Variants in WDSUB1 observed in about 807,000 individuals in gnomAD.
The protein encoded by WDSUB1 is WD repeat, SAM and U-box domain-containing protein 1.
Under a neutral mutation model 53.9 loss-of-function variants are expected in WDSUB1, and 49 were observed. The ratio of observed to expected loss-of-function variants is 0.91; its 90% CI spans 0.72 to 1.15. The LOEUF is 1.15. Among genes scored for constraint, WDSUB1 ranks in the 50% most tolerant of loss-of-function variants. The pLI is 0.00. For missense variants in WDSUB1, 514 were observed against 562.0 expected, an observed-to-expected ratio of 0.91 and a Z score of 0.86; for synonymous variants, 194 against 200.6, an observed-to-expected ratio of 0.97 and a Z score of 0.28.
intron 3 of WDSUB1, 144 bp downstream of exon 3, chr2:159,279,617 A>C (rs974951254): frequency 5.0e-6 from 3 of 602,056 alleles, no homozygotes; most frequent in Admixed American, 4.1e-5. Context: ...AAAAGAGAGA[A>C]GGATAATCCC....
At chr2:159,272,096 T>C (rs1250500343) in intron 4 of WDSUB1, among the ~76,000 whole-genome samples, 1 of 152,212 alleles carries the variant, frequency 6.6e-6, no homozygotes, top group Non-Finnish European at 1.5e-5. Context: ...CAGGGCAATC[T>C]GTAAGACCAC....
intron 2 of WDSUB1, among the ~76,000 whole-genome samples, chr2:159,281,206 T>C (rs1420925888): frequency 6.6e-6 from 1 of 152,146 alleles, no homozygotes; most frequent in African/African-American, 2.4e-5. Flanking sequence ...TGGTTTCTAA[T>C]GTACTTAATG....
intron 10 of WDSUB1, among the ~76,000 whole-genome samples, chr2:159,246,154 C>T (rs1271810156): frequency 3.3e-5 from 5 of 152,104 alleles, no homozygotes; most frequent in Admixed American, 2.0e-4. Flanking sequence ...AATAAGAGGC[C>T]GGGTACAGTG....
chr2:159,271,768 A>G lies in WDSUB1; in HGVS notation c.704T>C (p.Leu235Pro), dbSNP rs1575482656. The stretch of plus-strand genomic sequence containing the variant: ...CAGAACAGGAGCACAGTGCCCACTC[A>G]GTGTACTTTTATATTTTAATTCAAA... ...LGFELKYKST[L>P]SGHCAPVLAC... is the part of the protein sequence containing the mutation. The change falls in exon 5 of 11, where the codon CTG becomes CCG. Residue 235 changes from leucine (L) to proline (P), a missense_variant. Leu to Pro is a moderately conservative substitution (Grantham distance 98). Coordinates refer to ENST00000359774, the MANE Select transcript of WDSUB1 (RefSeq NM_001128212.3). 2 of 1,614,128 alleles carry G rather than the reference A, an allele frequency of 1.2e-6. No individual in the cohort carries two copies. Among genetic ancestry groups the G allele is most frequent in the Non-Finnish European group, 1.7e-6 (2 of 1,179,974 alleles).
chr2:159,282,042 A>G (rs1213303346), intron 2 of WDSUB1, among the ~76,000 whole-genome samples: 3 of 148,762 alleles, frequency 2.0e-5, no homozygotes, highest in Non-Finnish European at 4.5e-5. Flanking sequence ...CTGAACCTTC[A>G]AAATACTGCT....
At chr2:159,248,308 G>A in intron 10 of WDSUB1, 64 bp downstream of exon 10, 1 of 1,569,134 alleles carries the variant, frequency 6.4e-7, no homozygotes, top group Non-Finnish European at 8.6e-7. Context: ...TCTGAGAACT[G>A]TCTAAACTTT....
At chr2:159,247,928 A>ATATATATATATATATAAATATAT (rs2060851089) in intron 10 of WDSUB1, among the ~76,000 whole-genome samples, 2 of 67,692 alleles carry the variant, frequency 3.0e-5, no homozygotes, top group East Asian at 9.0e-4. Context: ...TATATATATA[A>ATATATATATATATATAAATATAT]ATATATATAT....
At chr2:159,248,591 C>CAAAT in intron 9 of WDSUB1, 79 bp from the exon 10 acceptor site, 1 of 1,384,274 alleles carries the variant, frequency 7.2e-7, no homozygotes, top group Non-Finnish European at 9.4e-7. Flanking sequence ...TCCTTATTCA[C>CAAAT]AAATAGAGTT....
chr2:159,237,808 C>CTTTTACAAATAGTGCT (rs2060525211), intron 10 of WDSUB1, among the ~76,000 whole-genome samples: 1 of 145,140 alleles, frequency 6.9e-6, no homozygotes, highest in Admixed American at 6.9e-5. Flanking sequence ...CAAATAGTGC[C>CTTTTACAAATAGTGCT]GTACCAAGGA....
At chr2:159,259,339 A>G (rs1224543115) in intron 6 of WDSUB1, among the ~76,000 whole-genome samples, 1 of 151,890 alleles carries the variant, frequency 6.6e-6, no homozygotes, top group East Asian at 1.9e-4. Context: ...CTTGGTCTTT[A>G]CCCACACATG....
chr2:159,282,294 G>A (rs912065581), intron 2 of WDSUB1, among the ~76,000 whole-genome samples: 7 of 151,942 alleles, frequency 4.6e-5, no homozygotes, highest in East Asian at 1.9e-4. Context: ...CTGGGTTCAC[G>A]TCATTCTCCT....
In WDSUB1 at chr2:159,284,426, C is replaced by G. The variant is rs563068574; in HGVS notation, c.-24-1333G>C. Among the ~76,000 whole-genome samples, 36 of 152,244 alleles carry G rather than the reference C, an allele frequency of 2.4e-4. 1 individual carries two copies. The highest frequency in any genetic ancestry group is 8.2e-4 in the African/African-American group (34 of 41,534). ...ATTCTAATAAACTATCTTAGCTGTT[C>G]CCTTCACAGGATGGAGCCAAGGCTA... is the stretch of plus-strand genomic sequence containing the variant. On this transcript the variant is annotated intron_variant, in intron 1 of 10. Coordinates refer to ENST00000359774, the MANE Select transcript of WDSUB1 (RefSeq NM_001128212.3).
intron 10 of WDSUB1, among the ~76,000 whole-genome samples, chr2:159,242,036 G>GATTAAATAA (rs1363963863): frequency 1.4e-5 from 2 of 146,324 alleles, no homozygotes; most frequent in African/African-American, 5.4e-5. Context: ...ATACACTGTT[G>GATTAAATAA]ATAAACAAAA....
chr2:159,275,741 C>T, intron 3 of WDSUB1, 103 bp from the exon 4 acceptor site: 1 of 850,198 alleles, frequency 1.2e-6, no homozygotes, highest in South Asian at 2.1e-5. Context: ...CTCATTTAAA[C>T]CATGTTCACA....
In WDSUB1 at chr2:159,257,988, G is replaced by C; in HGVS notation, c.805-3C>G. The C allele has an allele frequency of 1.2e-6, 2 of 1,611,992 alleles. No individual in the cohort carries two copies. The highest frequency in any genetic ancestry group is 1.7e-6 in the Non-Finnish European group (2 of 1,179,464). On this transcript the variant is annotated splice_polypyrimidine_tract_variant and splice_region_variant and intron_variant, in intron 6 of 10. Coordinates refer to ENST00000359774, the MANE Select transcript of WDSUB1 (RefSeq NM_001128212.3). Reference sequence around the variant, plus strand: ...GTGTGAAGTATATTCTCAGTATTCTGAAAAACAATAAAAACAGCTTTAAAT... The same window carrying C: ...GTGTGAAGTATATTCTCAGTATTCTCAAAAACAATAAAAACAGCTTTAAAT...
At chr2:159,255,360 G>A (rs535499312) in intron 9 of WDSUB1, among the ~76,000 whole-genome samples, 7 of 152,196 alleles carry the variant, frequency 4.6e-5, no homozygotes, top group African/African-American at 1.2e-4. Flanking sequence ...CCAGCTACTC[G>A]GGAGGCTGAG....
chr2:159,250,088 CAAAAAAAAAAA>C (rs374038625), intron 9 of WDSUB1, among the ~76,000 whole-genome samples: 2 of 83,528 alleles, frequency 2.4e-5, no homozygotes, highest in Admixed American at 3.2e-4. Flanking sequence ...GACTCTGCCT[CAAAAAAAAAAA>C]AAAAAAAAGA....
At chr2:159,258,807 T>A (rs910838911) in intron 6 of WDSUB1, among the ~76,000 whole-genome samples, 2 of 152,170 alleles carry the variant, frequency 1.3e-5, no homozygotes, top group East Asian at 3.8e-4. Flanking sequence ...CATGAAACGT[T>A]CATGAGAAAT....
At chr2:159,284,987 T>C (rs1339013663) in intron 1 of WDSUB1, among the ~76,000 whole-genome samples, 1 of 152,176 alleles carries the variant, frequency 6.6e-6, no homozygotes, top group Non-Finnish European at 1.5e-5. Context: ...CTATTTAAAG[T>C]AGCCACTCCC....
Sources: allele counts gnomAD v4.1 joint callset (sites outside exome capture counted in the v4.1 genomes callset), GRCh38; gene constraint gnomAD v4.1.1; transcripts MANE v1.5; gene names NCBI Gene and HGNC (gene_info 2026-07-23, HGNC 2026-07-21).